The following SUCO variants were observed in gnomAD, a reference collection of about 807,000 sequenced individuals.
The protein encoded by SUCO is SUN domain containing ossification factor.
Under a neutral mutation model 148.1 loss-of-function variants are expected in SUCO, and 57 were observed. The ratio of observed to expected loss-of-function variants is 0.38; its 90% CI spans 0.31 to 0.48. SUCO has a LOEUF of 0.48. Ranked by LOEUF, SUCO falls within the 20% of genes least tolerant of loss-of-function variation. The probability of loss-of-function intolerance (pLI) is 0.96; values close to 1 mark genes in which losing one functional copy is unlikely to be tolerated. For missense variants in SUCO, 1,331 were observed against 1,468.2 expected (o/e 0.91, Z 1.53); for synonymous variants, 470 against 502.7 (o/e 0.93, Z 0.87).
In SUCO at chr1:172,585,949, G is replaced by A; in HGVS notation, c.1658+1G>A. 1.3e-6 allele frequency: 2 copies of A among 1,590,938 alleles called. No individual in the cohort carries two copies. The highest frequency in any genetic ancestry group is 1.7e-6 in the Non-Finnish European group (2 of 1,162,944). On this transcript the variant is annotated splice_donor_variant, in intron 17 of 23. Transcript: ENST00000263688. LOFTEE classifies it high-confidence loss of function. ...TTTCAACTCCTGTTCCATCTCCTGA[G>A]TAAGTTATAATGTGATATTAAATAG...
chr1:172,567,592 T>C (rs913991315), intron 6 of SUCO, among the ~76,000 whole-genome samples: 1 of 152,200 alleles, frequency 6.6e-6, no homozygotes, highest in Non-Finnish European at 1.5e-5. Context: ...CTGCTCTGTT[T>C]ATAGTGACTA....
intron 6 of SUCO, among the ~76,000 whole-genome samples, chr1:172,559,035 T>C (rs1653946451): frequency 6.6e-6 from 1 of 152,208 alleles, no homozygotes; most frequent in Admixed American, 6.5e-5. Context: ...TTATGAGTAA[T>C]AGCCAATAGT....
intron 1 of SUCO, chr1:172,550,780 C>T (rs1312697578): frequency 3.3e-6 from 1 of 299,680 alleles, no homozygotes; most frequent in East Asian, 1.7e-4. Context: ...ATTCTTAAAA[C>T]ATTGATGGAT....
At chr1:172,553,442 C>T (rs1425970765) in intron 3 of SUCO, 72 bp downstream of exon 3, 22 of 1,139,620 alleles carry the variant, frequency 1.9e-5, no homozygotes, top group Non-Finnish European at 2.6e-5. Context: ...AACCTTTGGT[C>T]ACCATATTGT....
chr1:172,567,615 C>T (rs1169045894), intron 6 of SUCO, among the ~76,000 whole-genome samples: 1 of 152,090 alleles, frequency 6.6e-6, no homozygotes, highest in Non-Finnish European at 1.5e-5. Context: ...GCAGTTCATC[C>T]ATTCCTCATT....
chr1:172,593,162 G>A (rs374494878), intron 19 of SUCO, among the ~76,000 whole-genome samples: 6 of 152,296 alleles, frequency 3.9e-5, no homozygotes, highest in East Asian at 1.9e-4. Flanking sequence ...TATCAGCTTA[G>A]GGAGATTTTG....
At chr1:172,540,423 T>C (rs916957676) in intron 1 of SUCO, among the ~76,000 whole-genome samples, 1 of 152,136 alleles carries the variant, frequency 6.6e-6, no homozygotes, top group Admixed American at 6.5e-5. Flanking sequence ...CTAGGATTCT[T>C]ACCTTGTAGA....
chr1:172,591,881 T>A (rs529930120), intron 19 of SUCO, among the ~76,000 whole-genome samples: 5 of 152,336 alleles, frequency 3.3e-5, no homozygotes, highest in African/African-American at 1.2e-4. Flanking sequence ...GTTGAACTAG[T>A]TTACAGTCCA....
chr1:172,601,527 G>C (rs553415671), intron 20 of SUCO, among the ~76,000 whole-genome samples: 1 of 151,894 alleles, frequency 6.6e-6, no homozygotes, highest in Admixed American at 6.6e-5. Flanking sequence ...AATTGCAGTA[G>C]CCTGAATGAG....
At chr1:172,575,762 G>A (rs550205823) in intron 11 of SUCO, 139 bp downstream of exon 11, 1 of 497,366 alleles carries the variant, frequency 2.0e-6, no homozygotes, top group East Asian at 3.4e-5. Context: ...ATTCTTACTT[G>A]GGTATATTAT....
At chr1:172,555,505 C>CA (rs1653673717) in intron 3 of SUCO, among the ~76,000 whole-genome samples, 1 of 152,138 alleles carries the variant, frequency 6.6e-6, no homozygotes, top group Admixed American at 6.5e-5. Flanking sequence ...TGCTCAGGGT[C>CA]AAGAACTATG....
chr1:172,545,670 G>C (rs920637665), intron 1 of SUCO, among the ~76,000 whole-genome samples: 1 of 152,204 alleles, frequency 6.6e-6, no homozygotes, highest in Non-Finnish European at 1.5e-5. Context: ...GGACTAAATA[G>C]AAGGTGAAAA....
chr1:172,597,908 G>A (rs1036551318), intron 19 of SUCO, among the ~76,000 whole-genome samples: 1 of 152,022 alleles, frequency 6.6e-6, no homozygotes, highest in Admixed American at 6.5e-5. Flanking sequence ...TCCATTACTT[G>A]TTTTCTTATT....
intron 20 of SUCO, among the ~76,000 whole-genome samples, chr1:172,600,658 T>C (rs1657440679): frequency 6.6e-6 from 1 of 151,844 alleles, no homozygotes; most frequent in Non-Finnish European, 1.5e-5. Flanking sequence ...AAATAGATGA[T>C]AATTTCTCCT....
intron 19 of SUCO, among the ~76,000 whole-genome samples, chr1:172,596,942 C>G (rs1215694556): frequency 6.6e-6 from 1 of 152,224 alleles, no homozygotes; most frequent in African/African-American, 2.4e-5. Flanking sequence ...CCACCCAGTT[C>G]GAGCTTCCTG....
intron 1 of SUCO, among the ~76,000 whole-genome samples, chr1:172,538,788 A>G (rs1387588938): frequency 5.9e-5 from 9 of 152,182 alleles, no homozygotes; most frequent in Non-Finnish European, 1.0e-4. Context: ...TTCTGAAGAA[A>G]GCACCTGGTA....
chr1:172,607,114 AGTTTGT>A (rs1273658144), intron 22 of SUCO, among the ~76,000 whole-genome samples: 4 of 151,816 alleles, frequency 2.6e-5, no homozygotes, highest in Non-Finnish European at 5.9e-5. Flanking sequence ...TTATCTTTAT[AGTTTGT>A]GTTTGATAAA....
chr1:172,548,155 A>G (rs888342977), intron 1 of SUCO, among the ~76,000 whole-genome samples: 17 of 152,024 alleles, frequency 1.1e-4, no homozygotes, highest in African/African-American at 4.1e-4. Flanking sequence ...AGTTTTTTCC[A>G]TTCCTTATGC....
chr1:172,551,400 CTGTT>C (rs1177480723), intron 1 of SUCO, 108 bp from the exon 2 acceptor site: 66 of 570,558 alleles, frequency 1.2e-4, no homozygotes, highest in African/African-American at 4.1e-4. Flanking sequence ...AACCATCTGT[CTGTT>C]TATCGCCTCA....
Sources: allele counts gnomAD v4.1 joint callset (sites outside exome capture counted in the v4.1 genomes callset), GRCh38; gene constraint gnomAD v4.1.1; transcripts MANE v1.5; gene names NCBI Gene and HGNC (gene_info 2026-07-23, HGNC 2026-07-21).